Variants in PRKCE observed in about 807,000 individuals in gnomAD.
The protein encoded by PRKCE is protein kinase C epsilon, also known as protein kinase C epsilon type.
Under a neutral mutation model 85.4 loss-of-function variants are expected in PRKCE, and 16 were observed. That is an observed-to-expected ratio of 0.19 (90% CI 0.13 to 0.28). PRKCE has a LOEUF of 0.28. Ranked by LOEUF, PRKCE falls within the 10% of genes least tolerant of loss-of-function variation. PRKCE has a pLI of 1.00. For missense variants in PRKCE, 573 were observed against 975.2 expected (o/e 0.59, Z 5.49); for synonymous variants, 388 against 371.5 (o/e 1.04, Z -0.51).
intron 10 of PRKCE, among the ~76,000 whole-genome samples, chr2:46,055,077 C>T (rs942167674): frequency 1.1e-4 from 16 of 152,306 alleles, no homozygotes; most frequent in African/African-American, 2.6e-4. Flanking sequence ...TCCTCCTGGA[C>T]GCCGGACAAT....
chr2:45,850,839 C>A (rs1010077045), intron 2 of PRKCE, among the ~76,000 whole-genome samples: 5 of 152,244 alleles, frequency 3.3e-5, no homozygotes, highest in Admixed American at 6.5e-5. Flanking sequence ...ATTCTGTCTC[C>A]CCCTCATCCT....
At chr2:46,086,757 T>C (rs1428498811) in intron 11 of PRKCE, among the ~76,000 whole-genome samples, 3 of 152,182 alleles carry the variant, frequency 2.0e-5, no homozygotes, top group Non-Finnish European at 2.9e-5. Flanking sequence ...TGCCACTTCC[T>C]GAGTTTGTTT....
chr2:45,946,565 C>T (rs1432622878), intron 2 of PRKCE, among the ~76,000 whole-genome samples: 1 of 152,192 alleles, frequency 6.6e-6, no homozygotes, highest in Non-Finnish European at 1.5e-5. Flanking sequence ...GAGAATCCCC[C>T]TGCCAGCTCA....
At chr2:45,948,314 A>C (rs1700377246) in intron 2 of PRKCE, among the ~76,000 whole-genome samples, 2 of 152,224 alleles carry the variant, frequency 1.3e-5, no homozygotes, top group African/African-American at 4.8e-5. Flanking sequence ...ATTTAGTGAC[A>C]ACCTAATAAA....
intron 11 of PRKCE, among the ~76,000 whole-genome samples, chr2:46,110,281 A>G (rs1672128917): frequency 6.6e-6 from 1 of 152,086 alleles, no homozygotes; most frequent in Non-Finnish European, 1.5e-5. Flanking sequence ...TTCTCCCTTA[A>G]GTGTTTGGTA....
intron 11 of PRKCE, among the ~76,000 whole-genome samples, chr2:46,143,202 T>C (rs576067383): frequency 6.6e-6 from 1 of 152,210 alleles, no homozygotes; most frequent in East Asian, 1.9e-4. Flanking sequence ...TTCACAGTGC[T>C]GAGCGTGGAT....
rs114166978 is a variant in PRKCE at position 46,004,404 on chromosome 2, A to C, written c.967-138A>C. Reference sequence around the variant, plus strand: ...TTTTGGCTACTTTGGCGATGGCTGCAAGAGGACAGAGATCTACTGAATTCC... The same window carrying C: ...TTTTGGCTACTTTGGCGATGGCTGCCAGAGGACAGAGATCTACTGAATTCC... On this transcript the variant is annotated intron_variant, in intron 7 of 14. Transcript: ENST00000306156. This position sits in a 1 kb window ranked among gnomAD's most constrained non-coding sequence, Gnocchi z 4.1. 1.3e-4 allele frequency: 95 copies of C among 733,302 alleles called. No homozygotes were observed. The East Asian group carries it at 2.6e-3, about 20-fold the overall frequency. 45.4% of individuals were successfully genotyped at this position (733,302 alleles called of 1,614,324 possible). A position where few individuals can be genotyped will look rare whatever the true frequency, so the allele number is the denominator to read the frequency against.
chr2:46,053,319 T>TC (rs993300585), intron 10 of PRKCE, among the ~76,000 whole-genome samples: 5 of 152,208 alleles, frequency 3.3e-5, no homozygotes, highest in African/African-American at 9.6e-5. Flanking sequence ...AAAAAGTTAC[T>TC]CCCCCCCGAT....
rs1360787661 is a variant in PRKCE at position 46,187,567 on chromosome 2, A to C, written c.*2686A>C. 2 of 150,620 alleles carry C rather than the reference A, an allele frequency of 1.3e-5. No homozygotes were observed. Among genetic ancestry groups the C allele is most frequent in the Non-Finnish European group, 2.9e-5 (2 of 67,970 alleles). 9.3% of individuals were successfully genotyped at this position (150,620 alleles called of 1,614,324 possible). A position where few individuals can be genotyped will look rare whatever the true frequency, so the allele number is the denominator to read the frequency against. The stretch of plus-strand genomic sequence containing the variant: ...CCTTTCTCTTTCTCTCTCTCTCTCA[A>C]AGAAAAAAAAAATGGGAGTGCAAAA... On this transcript the variant is annotated 3_prime_UTR_variant, in exon 15 of 15. Transcript: ENST00000306156.
rs1275924031 is a variant in PRKCE, at chr2:46,041,740, C to T, written c.1437+31223C>T. Among the ~76,000 whole-genome samples the T allele has an allele frequency of 6.6e-6, 1 of 152,170 alleles. No homozygotes were observed. Among genetic ancestry groups the T allele is most frequent in the Non-Finnish European group, 1.5e-5 (1 of 68,034 alleles). On this transcript the variant is annotated intron_variant, in intron 10 of 14. Coordinates refer to ENST00000306156, the MANE Select transcript of PRKCE (RefSeq NM_005400.3). The surrounding 1 kb of genome is among the most constrained non-coding windows in gnomAD (Gnocchi z 5.5). ...CGTCATGACAAAATACTGTATAGATCAGTTTACATTAGATTGTTTAATTAA... is the reference window on the plus strand; with the variant it reads ...CGTCATGACAAAATACTGTATAGATTAGTTTACATTAGATTGTTTAATTAA...
At chr2:45,701,243 A>T (rs1678616674) in intron 1 of PRKCE, 1 of 152,120 alleles carries the variant, frequency 6.6e-6, no homozygotes, top group South Asian at 2.1e-4. Flanking sequence ...GGCACATTTT[A>T]TTTTTCTATG....
chr2:46,149,387 C>A (rs776134650), intron 12 of PRKCE, among the ~76,000 whole-genome samples: 1 of 151,882 alleles, frequency 6.6e-6, no homozygotes, highest in Non-Finnish European at 1.5e-5. Context: ...TTTTAAAATT[C>A]TTTATAGAAT....
At chr2:46,018,809 C>G (rs1173027343) in intron 10 of PRKCE, among the ~76,000 whole-genome samples, 1 of 152,196 alleles carries the variant, frequency 6.6e-6, no homozygotes, top group Non-Finnish European at 1.5e-5. Flanking sequence ...TTCCTTGTCA[C>G]TAAATATTCT....
At chr2:45,952,066 C>G (rs1321141949) in intron 2 of PRKCE, among the ~76,000 whole-genome samples, 1 of 152,200 alleles carries the variant, frequency 6.6e-6, no homozygotes, top group Non-Finnish European at 1.5e-5. Flanking sequence ...CTCCTGGCGT[C>G]AAGTGATCTA....
intron 5 of PRKCE, among the ~76,000 whole-genome samples, chr2:45,981,740 T>A (rs1486438232): frequency 1.3e-5 from 2 of 152,224 alleles, no homozygotes; most frequent in African/African-American, 4.8e-5. Flanking sequence ...GGACATTCCA[T>A]TGAACATTTA....
chr2:45,879,816 G>T (rs917225460), intron 2 of PRKCE, among the ~76,000 whole-genome samples: 2 of 152,220 alleles, frequency 1.3e-5, no homozygotes, highest in Non-Finnish European at 2.9e-5. Context: ...TACATCTATT[G>T]TATAGTGATC....
intron 5 of PRKCE, among the ~76,000 whole-genome samples, chr2:45,981,177 G>C (rs955488953): frequency 6.6e-6 from 1 of 152,176 alleles, no homozygotes; most frequent in East Asian, 1.9e-4. Flanking sequence ...GAGAATGATA[G>C]TCCCACTGAT....
At chr2:45,756,319 C>G (rs912108873) in intron 1 of PRKCE, among the ~76,000 whole-genome samples, 2 of 152,138 alleles carry the variant, frequency 1.3e-5, no homozygotes, top group Non-Finnish European at 2.9e-5. Flanking sequence ...CTCCCAGGCT[C>G]TAGGGGTTCT....
chr2:45,830,402 G>A (rs1690324940), intron 1 of PRKCE, among the ~76,000 whole-genome samples: 3 of 152,122 alleles, frequency 2.0e-5, no homozygotes, highest in African/African-American at 7.2e-5. Context: ...TCAAGATATT[G>A]TCAGAAAATT....
Sources: gnomAD v4.1 joint callset for allele counts (sites outside exome capture counted in the v4.1 genomes callset) on GRCh38, gnomAD v4.1.1 for gene constraint, Gnocchi (gnomAD v3.1) non-coding constraint, MANE v1.5 for transcripts, NCBI Gene and HGNC (gene_info 2026-07-23, HGNC 2026-07-21) for gene names.